Variants in TJP2 observed in about 807,000 individuals in gnomAD.
TJP2 encodes Friedreich ataxia region gene X104 (tight junction protein ZO-2).
Under a neutral mutation model 133.1 loss-of-function variants are expected in TJP2, and 91 were observed. The ratio of observed to expected loss-of-function variants is 0.68; its 90% CI spans 0.58 to 0.81. TJP2 has a LOEUF of 0.81. Ranked by LOEUF, TJP2 falls within the 40% of genes least tolerant of loss-of-function variation. TJP2 has a pLI of 0.00. For missense variants in TJP2, 1,541 were observed against 1,565.6 expected, an observed-to-expected ratio of 0.98 and a Z score of 0.26; for synonymous variants, 592 against 583.4, an observed-to-expected ratio of 1.01 and a Z score of -0.21.
intron 1 of TJP2, among the ~76,000 whole-genome samples, chr9:69,206,386 C>A (rs961523452): frequency 6.1e-4 from 92 of 152,048 alleles, no homozygotes; most frequent in African/African-American, 2.2e-3. Context: ...CTGGTACCAT[C>A]CTTCAACTCG....
At chr9:69,159,452 AATT>A (rs1564389900) in intron 2 of TJP2, among the ~76,000 whole-genome samples, 7 of 152,210 alleles carry the variant, frequency 4.6e-5, no homozygotes, top group Admixed American at 2.0e-4. Context: ...GCATATATAA[AATT>A]ATTTTTACTT....
rs764243210 is a variant in TJP2 at position 69,174,290 on chromosome 9, G to T, written c.-83G>T. On this transcript the variant is annotated 5_prime_UTR_variant, in exon 1 of 23. Transcript: ENST00000377245. ...GGGCTGCGGGTCAGAGCACTGTCCG[G>T]TGGTGCCCAGGAGGAGTAGGAGCAG... 105 of 1,549,446 alleles carry T rather than the reference G, an allele frequency of 6.8e-5. No homozygotes were observed. Among genetic ancestry groups the T allele is most frequent in the Non-Finnish European group, 8.5e-5 (98 of 1,146,444 alleles).
At chr9:69,177,071 C>G (rs1394355229) in intron 1 of TJP2, among the ~76,000 whole-genome samples, 1 of 152,184 alleles carries the variant, frequency 6.6e-6, no homozygotes, top group African/African-American at 2.4e-5. Context: ...TGCCTCATCT[C>G]TAGAACGAAT....
chr9:69,182,665 C>G (rs1054039240), intron 1 of TJP2, among the ~76,000 whole-genome samples: 4 of 152,056 alleles, frequency 2.6e-5, no homozygotes, highest in African/African-American at 9.7e-5. Flanking sequence ...AGTGGCACGA[C>G]CTCTGTTACA....
intron 11 of TJP2, among the ~76,000 whole-genome samples, chr9:69,230,816 G>A (rs1199414241): frequency 6.6e-6 from 1 of 152,206 alleles, no homozygotes; most frequent in African/African-American, 2.4e-5. Flanking sequence ...CCCTGGCACA[G>A]AATAGGAAGG....
chr9:69,143,247 G>T lies in TJP2; in HGVS notation c.-130-8404G>T, dbSNP rs188216741. On this transcript the variant is annotated intron_variant, in intron 1 of 5. Coordinates refer to the TJP2 transcript ENST00000423935. ...TGCATCGAAAATTCCAATAAAAAAT[G>T]AAACTTTAAAACATCCCATTTGCAA... 3.5e-3 allele frequency among the ~76,000 whole-genome samples: 526 copies of T among 152,298 alleles called. 1 individual carries two copies. Among genetic ancestry groups the T allele is most frequent in the Non-Finnish European group, 5.7e-3 (390 of 68,006 alleles).
Position 69,246,730 on chromosome 9 carries a change from C to T in TJP2, c.2607C>T (p.Gly869=), listed in dbSNP as rs1381162143. ...ATTCAGCCAATGATAGCTGGTTTGG[C>T]AGCTTAAAGGACACTATTCAGCATC... ...NLNSANDSWF[G]SLKDTIQHQQ... is the part of the protein sequence containing the mutation. Residue 869 remains glycine (G), a synonymous_variant, in exon 18 of 23, where the codon GGC becomes GGT. Transcript: ENST00000377245. 6.2e-7 allele frequency: 1 copy of T among 1,614,054 alleles called. No individual in the cohort carries two copies. Among genetic ancestry groups the T allele is most frequent in the Non-Finnish European group, 8.5e-7 (1 of 1,179,998 alleles).
chr9:69,157,542 T>C (rs1019873212), intron 2 of TJP2, among the ~76,000 whole-genome samples: 2 of 152,010 alleles, frequency 1.3e-5, no homozygotes, highest in African/African-American at 2.4e-5. Context: ...CTTGGCTCAT[T>C]GCAACCTCCA....
At position 69,251,377 on chromosome 9, in the gene TJP2, A is replaced by G; in HGVS notation, c.3321+13A>G. On this transcript the variant is annotated intron_variant, in intron 21 of 22. Coordinates refer to ENST00000377245, the MANE Select transcript of TJP2 (RefSeq NM_004817.4). ...ACAGAATGCAAGGGTAATTGTTTTT[A>G]AACTACACATCATCAATAAGAGTTT... 6.2e-7 allele frequency: 1 copy of G among 1,609,860 alleles called. No homozygotes were observed. Among genetic ancestry groups the G allele is most frequent in the South Asian group, 1.1e-5 (1 of 90,902 alleles).
At chr9:69,232,775 T>C (rs1442906307) in intron 11 of TJP2, among the ~76,000 whole-genome samples, 3 of 152,214 alleles carry the variant, frequency 2.0e-5, no homozygotes. Context: ...GAAACTTTTA[T>C]GGGATGGAAA....
intron 1 of TJP2, chr9:69,204,885 G>A (rs1313875338): frequency 7.4e-6 from 9 of 1,210,434 alleles, no homozygotes; most frequent in Middle Eastern, 3.3e-4. Flanking sequence ...ATATCTACTC[G>A]GATGCTCTAG....
Position 69,222,980 on chromosome 9 carries a change from A to C in TJP2, c.952+1484A>C, listed in dbSNP as rs143806586. ...ACTTCTCTGGAGGCTGAGGCAGGAG[A>C]ATAGCTTGAACCCCAAGGGGCAGAG... On this transcript the variant is annotated intron_variant, in intron 5 of 22. Transcript: ENST00000377245. 8.0e-3 allele frequency among the ~76,000 whole-genome samples: 1,170 copies of C among 146,314 alleles called. 8 individuals carry two copies. Among genetic ancestry groups the C allele is most frequent in the African/African-American group, 0.028 (1,110 of 39,310 alleles).
At position 69,130,286 on chromosome 9, in the gene TJP2, T is replaced by G. The variant is rs148947630; in HGVS notation, c.-131+8561T>G. Reference sequence around the variant, plus strand: ...TGGATCTTGTATTATGGGGAAATGTTGGTAATAGCAGAGAACTAGGGAAGT... The same window carrying G: ...TGGATCTTGTATTATGGGGAAATGTGGGTAATAGCAGAGAACTAGGGAAGT... On this transcript the variant is annotated intron_variant, in intron 1 of 5. Coordinates refer to the TJP2 transcript ENST00000423935. 9.9e-5 allele frequency among the ~76,000 whole-genome samples: 15 copies of G among 152,264 alleles called. No homozygotes were observed. In the East Asian group the frequency reaches 2.9e-3, roughly 29 times the overall value.
At chr9:69,208,949 G>T (rs760394933) in intron 1 of TJP2, among the ~76,000 whole-genome samples, 13 of 152,184 alleles carry the variant, frequency 8.5e-5, no homozygotes, top group South Asian at 6.2e-4. Flanking sequence ...GTACAAGAAG[G>T]CATTGAGAAG....
At chr9:69,225,129 T>A (rs75334488) in intron 5 of TJP2, among the ~76,000 whole-genome samples, 175 bp from the exon 6 acceptor site, 7 of 152,154 alleles carry the variant, frequency 4.6e-5, no homozygotes, top group African/African-American at 1.7e-4. Flanking sequence ...TTTCTCTACC[T>A]TTTTTGTTTT....
chr9:69,194,199 A>C (rs972312347), intron 1 of TJP2, among the ~76,000 whole-genome samples: 15 of 129,878 alleles, frequency 1.2e-4, no homozygotes, highest in Middle Eastern at 3.9e-3. Flanking sequence ...TCCCAGGAAA[A>C]ATTTTAGAGA....
rs1391547402 is a variant in TJP2, at chr9:69,123,210, C to CTCTGATGGCTAATGATGTTGAATATT, written c.-131+1486_-131+1487insCTGATGGCTAATGATGTTGAATATTT. On this transcript the variant is annotated intron_variant, in intron 1 of 5. Coordinates refer to the TJP2 transcript ENST00000423935. ...TCTTTGTTTTGCCCACCAGGACACT[C>CTCTGATGGCTAATGATGTTGAATATT]TACAGCCGCATGGGTTAGAGCACCT... Among the ~76,000 whole-genome samples, 32 of 17,628 alleles carry CTCTGATGGCTAATGATGTTGAATATT rather than the reference C, an allele frequency of 1.8e-3. 2 individuals carry two copies. Among genetic ancestry groups the CTCTGATGGCTAATGATGTTGAATATT allele is most frequent in the Admixed American group, 3.2e-3 (3 of 940 alleles). 11.6% of individuals were successfully genotyped at this position (17,628 alleles called of 152,430 possible). A position where few individuals can be genotyped will look rare whatever the true frequency, so the allele number is the denominator to read the frequency against.
chr9:69,153,403 C>G (rs187769550), intron 2 of TJP2, among the ~76,000 whole-genome samples: 3 of 151,988 alleles, frequency 2.0e-5, no homozygotes, highest in African/African-American at 7.3e-5. Flanking sequence ...GGCAACATGG[C>G]GAAACCCCAT....
chr9:69,189,010 C>G (rs1826037140), intron 1 of TJP2, among the ~76,000 whole-genome samples: 1 of 152,168 alleles, frequency 6.6e-6, no homozygotes, highest in African/African-American at 2.4e-5. Flanking sequence ...CAAAGTACAT[C>G]CCCTAAAACA....
Sources: gnomAD v4.1 joint callset for allele counts (sites outside exome capture counted in the v4.1 genomes callset) on GRCh38, gnomAD v4.1.1 for gene constraint, MANE v1.5 for transcripts, NCBI Gene and HGNC (gene_info 2026-07-23, HGNC 2026-07-21) for gene names.